TRPC4: variants seen among roughly 807,000 people sequenced by gnomAD.
The protein encoded by TRPC4 is transient receptor potential cation channel subfamily C member 4.
In TRPC4, 49 loss-of-function variants were observed where a neutral mutation model predicts 99.4. The ratio of observed to expected loss-of-function variants is 0.49; its 90% CI spans 0.39 to 0.63. TRPC4 has a LOEUF of 0.63. Ranked by LOEUF, TRPC4 falls within the 20% of genes least tolerant of loss-of-function variation. The probability of loss-of-function intolerance (pLI) is 0.00; values close to 1 mark genes in which losing one functional copy is unlikely to be tolerated. For synonymous variants in TRPC4, 454 were observed against 425.9 expected, an observed-to-expected ratio of 1.07 and a Z score of -0.81; for missense variants, 898 against 1,152.9, an observed-to-expected ratio of 0.78 and a Z score of 3.20.
chr13:37,830,088 A>T (rs891969534), intron 1 of TRPC4, among the ~76,000 whole-genome samples: 3 of 152,156 alleles, frequency 2.0e-5, no homozygotes, highest in African/African-American at 7.2e-5. Context: ...GTGCAACATG[A>T]TGACTATATT....
Position 37,636,761 on chromosome 13 carries a change from A to T in TRPC4, c.*142T>A. The T allele has an allele frequency of 2.0e-6, 2 of 1,020,564 alleles. No homozygotes were observed. Among genetic ancestry groups the T allele is most frequent in the Non-Finnish European group, 1.3e-6 (1 of 753,552 alleles). 63.2% of individuals were successfully genotyped at this position (1,020,564 alleles called of 1,614,324 possible). On this transcript the variant is annotated 3_prime_UTR_variant, in exon 11 of 11. Coordinates refer to ENST00000379705, the MANE Select transcript of TRPC4 (RefSeq NM_016179.4). ...TTTTGATTGCCTTTGCCTTATTTAA[A>T]CATGTTACAGGTAATATGCCACAGC...
At chr13:37,689,168 C>T (rs969435775) in intron 4 of TRPC4, among the ~76,000 whole-genome samples, 3 of 152,154 alleles carry the variant, frequency 2.0e-5, no homozygotes, top group African/African-American at 7.2e-5. Context: ...TGATAGGATA[C>T]AGGGGGACTT....
chr13:37,708,345 T>A (rs1954362305), intron 3 of TRPC4, among the ~76,000 whole-genome samples: 2 of 152,096 alleles, frequency 1.3e-5, no homozygotes, highest in Admixed American at 1.3e-4. Context: ...CAAATGTGAG[T>A]AACTATTTAA....
chr13:37,819,699 T>A (rs1025956421), intron 1 of TRPC4, among the ~76,000 whole-genome samples: 2 of 151,438 alleles, frequency 1.3e-5, no homozygotes, highest in Non-Finnish European at 2.9e-5. Flanking sequence ...AGGGAGAGGA[T>A]CAGGAAAACA....
intron 6 of TRPC4, among the ~76,000 whole-genome samples, chr13:37,662,968 G>A (rs1436994113): frequency 6.6e-6 from 1 of 152,160 alleles, no homozygotes; most frequent in Non-Finnish European, 1.5e-5. Flanking sequence ...AAGTTTTTGT[G>A]TAGGAAACTA....
chr13:37,703,910 C>T (rs2138948072), intron 3 of TRPC4, among the ~76,000 whole-genome samples: 1 of 152,022 alleles, frequency 6.6e-6, no homozygotes, highest in East Asian at 1.9e-4. Context: ...CACTTGACTA[C>T]AAATATCATA....
intron 1 of TRPC4, among the ~76,000 whole-genome samples, chr13:37,821,565 C>T (rs1958012167): frequency 6.6e-6 from 1 of 152,114 alleles, no homozygotes; most frequent in African/African-American, 2.4e-5. Flanking sequence ...TCAAACTATA[C>T]TACAAGGCTA....
intron 8 of TRPC4, among the ~76,000 whole-genome samples, chr13:37,640,230 G>T (rs1293100942): frequency 1.3e-5 from 2 of 151,978 alleles, no homozygotes; most frequent in Non-Finnish European, 2.9e-5. Context: ...GAAAGCAAAA[G>T]GGATGATATA....
In TRPC4 at chr13:37,855,335, T is replaced by TAG. The variant is rs1364638958; in HGVS notation, c.-28+14258_-28+14259dup. 6.8e-5 allele frequency among the ~76,000 whole-genome samples: 9 copies of TAG among 132,328 alleles called. No homozygotes were observed. In the South Asian group the frequency reaches 1.7e-3, roughly 25 times the overall value. 86.8% of individuals were successfully genotyped at this position (132,328 alleles called of 152,430 possible). On this transcript the variant is annotated intron_variant, in intron 1 of 10. Coordinates refer to ENST00000379705, the MANE Select transcript of TRPC4 (RefSeq NM_016179.4). Reference sequence around the variant, plus strand: ...TATACACATGTAGATATATACAATGTAGATATATATATATATATATATGCA... The same window carrying TAG: ...TATACACATGTAGATATATACAATGTAGAGATATATATATATATATATATGCA...
At chr13:37,745,460 A>G (rs1467930120) in intron 3 of TRPC4, among the ~76,000 whole-genome samples, 5 of 4,920 alleles carry the variant, frequency 1.0e-3, no homozygotes, top group Admixed American at 4.0e-3. Flanking sequence ...ATATATATAT[A>G]TATATATATA....
In TRPC4 at chr13:37,636,961, T is replaced by C. The variant is rs141992489; in HGVS notation, c.2876A>G (p.Tyr959Cys). The change falls in exon 11 of 11, where the codon TAT (tyrosine) becomes TGT (cysteine). Residue 959 changes from tyrosine (Y) to cysteine (C), a missense_variant. By Grantham distance (194) the Tyr-to-Cys change is radical. Around this residue, in one of 3 missense-constraint regions of TRPC4, gnomAD observed 346 missense variants for 351.4 expected, o/e 0.98. Coordinates refer to ENST00000379705, the MANE Select transcript of TRPC4 (RefSeq NM_016179.4). ...GACTGTGTCTGGGAGGTTTAGATCATAGTCTATACTAGAGTCCTCTTCTTT... is the reference window on the plus strand; with the variant it reads ...GACTGTGTCTGGGAGGTTTAGATCACAGTCTATACTAGAGTCCTCTTCTTT... ...HAKEEDSSID[Y>C]DLNLPDTVTH... The C allele has an allele frequency of 8.1e-6, 13 of 1,613,512 alleles. No homozygotes were observed. In the African/African-American group the frequency reaches 1.2e-4, roughly 15 times the overall value.
intron 2 of TRPC4, among the ~76,000 whole-genome samples, chr13:37,776,538 T>C (rs1024503416): frequency 2.6e-5 from 4 of 151,848 alleles, no homozygotes; most frequent in Non-Finnish European, 5.9e-5. Flanking sequence ...GCTCACTTAC[T>C]GTCAATATCC....
At chr13:37,750,689 T>G (rs147639817) in intron 2 of TRPC4, among the ~76,000 whole-genome samples, 21 of 152,118 alleles carry the variant, frequency 1.4e-4, no homozygotes, top group Non-Finnish European at 1.9e-4. Flanking sequence ...GGAGTACATG[T>G]GCAGAATGTG....
intron 3 of TRPC4, among the ~76,000 whole-genome samples, chr13:37,724,392 T>C (rs1031713938): frequency 1.1e-4 from 16 of 152,188 alleles, no homozygotes; most frequent in African/African-American, 3.9e-4. Flanking sequence ...GAGCAATGAA[T>C]TAGAAATGGT....
intron 4 of TRPC4, among the ~76,000 whole-genome samples, chr13:37,683,227 G>C (rs1312063019): frequency 1.3e-5 from 2 of 152,032 alleles, no homozygotes; most frequent in Non-Finnish European, 2.9e-5. Context: ...CCTCACCCCT[G>C]CTGGGGCATC....
intron 1 of TRPC4, among the ~76,000 whole-genome samples, chr13:37,811,977 A>AACAAAACAGC (rs1211684895): frequency 6.6e-6 from 1 of 151,992 alleles, no homozygotes; most frequent in African/African-American, 2.4e-5. Context: ...AGCCAGGCCA[A>AACAAAACAGC]CATGGCAAAA....
intron 2 of TRPC4, among the ~76,000 whole-genome samples, chr13:37,769,807 T>C (rs374769616): frequency 3.5e-4 from 53 of 151,714 alleles, no homozygotes; most frequent in Middle Eastern, 3.4e-3. Context: ...GACACAAATG[T>C]GAATCTTTAG....
intron 4 of TRPC4, among the ~76,000 whole-genome samples, chr13:37,681,767 C>A (rs932339629): frequency 6.6e-6 from 1 of 152,156 alleles, no homozygotes. Flanking sequence ...GGGAACATTT[C>A]GAAATTGCTC....
In TRPC4 at chr13:37,778,116, T is replaced by C. The variant is rs560811856; in HGVS notation, c.378+4840A>G. ...GACTTCTTAAAATTTGTCTAATTCA[T>C]ATCCTGAATTCAAATAAGTAATTAA... On this transcript the variant is annotated intron_variant, in intron 2 of 10. Transcript: ENST00000379705. Among the ~76,000 whole-genome samples the C allele has an allele frequency of 3.3e-5, 5 of 152,200 alleles. No homozygotes were observed. In the South Asian group the frequency reaches 1.0e-3, roughly 32 times the overall value.
Sources: allele counts gnomAD v4.1 joint callset (sites outside exome capture counted in the v4.1 genomes callset), GRCh38; gene constraint gnomAD v4.1.1; regional missense constraint gnomAD v4.1.1; transcripts MANE v1.5; gene names NCBI Gene and HGNC (gene_info 2026-07-23, HGNC 2026-07-21).